SHISA9: variants seen among roughly 807,000 people sequenced by gnomAD.
SHISA9 encodes the protein shisa family member 9, also known as protein shisa-9.
Under a neutral mutation model 38.0 loss-of-function variants are expected in SHISA9, and 13 were observed. The ratio of observed to expected loss-of-function variants is 0.34; its 90% CI spans 0.22 to 0.54. The LOEUF (loss-of-function observed/expected upper bound fraction) is 0.54, where lower values mean the gene tolerates loss of function less well. Among genes scored for constraint, SHISA9 ranks in the 20% least tolerant of loss-of-function variants. SHISA9 has a pLI of 0.91. For missense variants in SHISA9, 538 were observed against 575.8 expected, an observed-to-expected ratio of 0.93 and a Z score of 0.67; for synonymous variants, 275 against 242.0, an observed-to-expected ratio of 1.14 and a Z score of -1.27.
chr16:13,339,306 G>T, the SHISA9 span, among the ~76,000 whole-genome samples: 1 of 151,712 alleles, frequency 6.6e-6, no homozygotes, highest in African/African-American at 2.4e-5. Context: ...GGGTCCTAAA[G>T]TTCATGCAAG....
chr16:13,324,078 G>C, the SHISA9 span, among the ~76,000 whole-genome samples: 1 of 152,160 alleles, frequency 6.6e-6, no homozygotes, highest in Non-Finnish European at 1.5e-5. Flanking sequence ...TCGTGCCATC[G>C]ATGTATCTGC....
chr16:13,348,141 C>T, the SHISA9 span, among the ~76,000 whole-genome samples: 3 of 152,130 alleles, frequency 2.0e-5, no homozygotes, highest in Non-Finnish European at 4.4e-5. Context: ...ACAATAATAA[C>T]GTTAAGACAG....
intron 2 of SHISA9, among the ~76,000 whole-genome samples, chr16:13,118,492 A>G (rs2074052836): frequency 6.6e-6 from 1 of 152,184 alleles, no homozygotes; most frequent in Admixed American, 6.5e-5. Flanking sequence ...TGGGAAGGTC[A>G]GATAGCCACC....
chr16:13,555,931 T>G, the SHISA9 span, among the ~76,000 whole-genome samples: 2 of 152,244 alleles, frequency 1.3e-5, no homozygotes, highest in African/African-American at 4.8e-5. Flanking sequence ...CAGATCTTAC[T>G]CTATATGCTC....
chr16:13,240,265 C>G lies in SHISA9; in HGVS notation c.*4856C>G, dbSNP rs774718787. ...CAAGTAAACCTGTGTTAATACTTGT[C>G]AACAACTGCAGAGTTTATGATACGA... is the stretch of plus-strand genomic sequence containing the variant. On this transcript the variant is annotated 3_prime_UTR_variant, in exon 5 of 5. Coordinates refer to ENST00000558583, the MANE Select transcript of SHISA9 (RefSeq NM_001145204.3). 2.6e-5 allele frequency: 4 copies of G among 152,190 alleles called. No homozygotes were observed. Among genetic ancestry groups the G allele is most frequent in the Admixed American group, 6.5e-5 (1 of 15,282 alleles). The allele number at this position is 152,190 out of a possible 1,614,324, so 9.4% of individuals were successfully genotyped here.
At chr16:13,511,271 T>C in the SHISA9 span, among the ~76,000 whole-genome samples, 1 of 152,176 alleles carries the variant, frequency 6.6e-6, no homozygotes, top group Non-Finnish European at 1.5e-5. Context: ...TCACACACAG[T>C]TGTGATATTC....
intron 2 of SHISA9, among the ~76,000 whole-genome samples, chr16:12,926,299 T>C (rs1393633819): frequency 6.6e-6 from 1 of 152,212 alleles, no homozygotes; most frequent in Non-Finnish European, 1.5e-5. Context: ...TCCTTACTGA[T>C]TGATCCCTGC....
intron 2 of SHISA9, among the ~76,000 whole-genome samples, chr16:12,948,476 A>G (rs137908638): frequency 1.4e-4 from 22 of 152,382 alleles, no homozygotes; most frequent in Non-Finnish European, 2.8e-4. Context: ...TTGAGCTGCT[A>G]TAACAAAATA....
chr16:13,304,309 T>C, the SHISA9 span, among the ~76,000 whole-genome samples: 4 of 152,258 alleles, frequency 2.6e-5, no homozygotes, highest in Non-Finnish European at 5.9e-5. Context: ...CCTGGGCTGC[T>C]GTGTAGTAGC....
chr16:13,389,516 AAG>A, the SHISA9 span, among the ~76,000 whole-genome samples: 39 of 152,218 alleles, frequency 2.6e-4, 1 homozygote, highest in Admixed American at 2.6e-3. Flanking sequence ...ACATTTAAAA[AAG>A]AAAACATTTC....
chr16:13,256,429 G>T, the SHISA9 span, among the ~76,000 whole-genome samples: 3 of 152,154 alleles, frequency 2.0e-5, no homozygotes, highest in African/African-American at 7.2e-5. Flanking sequence ...TTACAGGCAC[G>T]GGCCACCATG....
chr16:13,447,889 C>A, the SHISA9 span, among the ~76,000 whole-genome samples: 2 of 152,148 alleles, frequency 1.3e-5, no homozygotes, highest in African/African-American at 4.8e-5. Context: ...TTATTGCATG[C>A]CCTTCATTTG....
At chr16:13,353,647 C>T in the SHISA9 span, among the ~76,000 whole-genome samples, 1 of 152,058 alleles carries the variant, frequency 6.6e-6, no homozygotes, top group Non-Finnish European at 1.5e-5. Flanking sequence ...TAACAAGGAG[C>T]GTCTATACAG....
chr16:13,500,657 G>C, the SHISA9 span, among the ~76,000 whole-genome samples: 9,015 of 151,648 alleles, frequency 0.059, 467 homozygotes, highest in East Asian at 0.16. Flanking sequence ...GGTTGGGGGA[G>C]AGAGAGACCA....
chr16:13,276,027 C>T, the SHISA9 span, among the ~76,000 whole-genome samples: 167 of 152,036 alleles, frequency 1.1e-3, no homozygotes, highest in African/African-American at 3.8e-3. Context: ...ACCCATCATG[C>T]GAGCAGTATA....
the SHISA9 span, among the ~76,000 whole-genome samples, chr16:13,398,587 G>GC: frequency 1.4e-5 from 2 of 147,818 alleles, no homozygotes; most frequent in Admixed American, 6.8e-5. Flanking sequence ...TGCAACCTCC[G>GC]CCCCCCACCC....
intron 2 of SHISA9, among the ~76,000 whole-genome samples, chr16:13,071,324 C>A (rs1183022829): frequency 6.6e-6 from 1 of 152,148 alleles, no homozygotes; most frequent in East Asian, 1.9e-4. Flanking sequence ...GTTTTGAGCA[C>A]TTTCTGTATG....
chr16:13,372,199 GAA>G, the SHISA9 span, among the ~76,000 whole-genome samples: 2 of 152,154 alleles, frequency 1.3e-5, no homozygotes, highest in Admixed American at 1.3e-4. Context: ...ATCAGACTTT[GAA>G]AGTCTCCAGG....
intron 2 of SHISA9, among the ~76,000 whole-genome samples, chr16:12,970,406 T>C (rs868369240): frequency 0.028 from 229 of 8,180 alleles, 6 homozygotes; most frequent in East Asian, 0.066. Flanking sequence ...TATATATACA[T>C]ATATATATAT....
Sources: gnomAD v4.1 joint callset for allele counts (sites outside exome capture counted in the v4.1 genomes callset) on GRCh38, gnomAD v4.1.1 for gene constraint, MANE v1.5 for transcripts, NCBI Gene and HGNC (gene_info 2026-07-23, HGNC 2026-07-21) for gene names.